Variants in POLN observed in about 807,000 individuals in gnomAD.
POLN encodes the protein DNA polymerase nu, also known as DNA polymerase N.
A neutral mutation model predicts 113.5 loss-of-function variants in POLN; 108 were observed. The observed-to-expected ratio is 0.95, with a 90% CI of 0.81 to 1.12. POLN has a LOEUF of 1.12. Ranked by LOEUF, POLN falls within the 50% of genes most tolerant of loss-of-function variation. POLN has a pLI of 0.00. For synonymous variants in POLN, 386 were observed against 391.5 expected, an observed-to-expected ratio of 0.99 and a Z score of 0.17; for missense variants, 1,097 against 1,077.1, an observed-to-expected ratio of 1.02 and a Z score of -0.26.
chr4:2,156,294 G>A (rs1732421724), intron 16 of POLN: 1 of 355,968 alleles, frequency 2.8e-6, no homozygotes, highest in Non-Finnish European at 5.5e-6. Context: ...GTCTTTTTTA[G>A]TTCAAAATAC....
intron 7 of POLN, among the ~76,000 whole-genome samples, chr4:2,179,971 C>T (rs954446667): frequency 2.0e-5 from 3 of 152,190 alleles, no homozygotes; most frequent in Non-Finnish European, 2.9e-5. Flanking sequence ...ACGACACCCT[C>T]GTCACTGAGT....
At chr4:2,159,340 A>C (rs1415638956) in intron 13 of POLN, 129 bp from the exon 14 acceptor site, 1 of 752,340 alleles carries the variant, frequency 1.3e-6, no homozygotes, top group Non-Finnish European at 2.1e-6. Context: ...AAAGATGCAT[A>C]ATAAACTCAA....
At position 2,168,597 on chromosome 4, in the gene POLN, G is replaced by C. The variant is rs2857788; in HGVS notation, c.1554+2082C>G. Among the ~76,000 whole-genome samples, 3 of 152,132 alleles carry C rather than the reference G, an allele frequency of 2.0e-5. No homozygotes were observed. In the East Asian group the frequency reaches 5.8e-4, roughly 29 times the overall value. ...GTGATGCGTCCTTTCTTGCACTGTT[G>C]GTTGTCTGGAGAGGGAAGGGAGTTG... On this transcript the variant is annotated intron_variant, in intron 13 of 25. Transcript: ENST00000511885.
intron 5 of POLN, among the ~76,000 whole-genome samples, chr4:2,206,332 G>A (rs1268651450): frequency 6.6e-6 from 1 of 152,188 alleles, no homozygotes; most frequent in African/African-American, 2.4e-5. Context: ...CCAGAAATTG[G>A]CTTAGGCAAG....
At chr4:2,219,767 C>T (rs1225956769) in intron 3 of POLN, among the ~76,000 whole-genome samples, 1 of 152,134 alleles carries the variant, frequency 6.6e-6, no homozygotes, top group Non-Finnish European at 1.5e-5. Flanking sequence ...CCTTCTTTTA[C>T]CATCTGCCCT....
intron 19 of POLN, among the ~76,000 whole-genome samples, chr4:2,107,118 T>C (rs563431688): frequency 2.0e-5 from 3 of 152,176 alleles, no homozygotes; most frequent in Non-Finnish European, 2.9e-5. Flanking sequence ...ATTGCACCTT[T>C]TCTTCCAATA....
intron 13 of POLN, among the ~76,000 whole-genome samples, chr4:2,161,553 C>A (rs551335584): frequency 6.6e-6 from 1 of 152,254 alleles, no homozygotes; most frequent in Non-Finnish European, 1.5e-5. Flanking sequence ...CCTCCCACCC[C>A]CTCCGTGGGC....
chr4:2,134,851 G>A (rs540954330), intron 16 of POLN, among the ~76,000 whole-genome samples: 48 of 152,304 alleles, frequency 3.2e-4, no homozygotes, highest in African/African-American at 1.0e-3. Flanking sequence ...TAATACGTGC[G>A]TGTTTACTGA....
At chr4:2,158,152 A>T (rs1732486244) in intron 14 of POLN, among the ~76,000 whole-genome samples, 1 of 152,146 alleles carries the variant, frequency 6.6e-6, no homozygotes, top group Admixed American at 6.5e-5. Context: ...GGGTTTCGCC[A>T]TGTTGGCCAG....
chr4:2,210,839 TA>T (rs1196721458), intron 4 of POLN, among the ~76,000 whole-genome samples: 50 of 148,236 alleles, frequency 3.4e-4, no homozygotes, highest in East Asian at 8.0e-4. Context: ...GAGAATCGCT[TA>T]AACCCAGGAG....
At chr4:2,153,919 C>G (rs531731681) in intron 16 of POLN, among the ~76,000 whole-genome samples, 199 of 151,814 alleles carry the variant, frequency 1.3e-3, no homozygotes, top group Non-Finnish European at 2.4e-3. Context: ...ATTTTAAGGC[C>G]AGGCGCGGTG....
chr4:2,098,040 CTG>C (rs1190203334), intron 19 of POLN, among the ~76,000 whole-genome samples: 1 of 152,180 alleles, frequency 6.6e-6, no homozygotes, highest in African/African-American at 2.4e-5. Flanking sequence ...CCTTTTCCTG[CTG>C]TGTTAAGCTA....
intron 20 of POLN, chr4:2,088,869 G>C (rs1430994886): frequency 6.8e-7 from 1 of 1,466,196 alleles, no homozygotes; most frequent in Admixed American, 2.2e-5. Context: ...CAGAGGTCAA[G>C]GGTGCGTCGC....
At chr4:2,100,402 T>G (rs912258604) in intron 19 of POLN, among the ~76,000 whole-genome samples, 1 of 152,052 alleles carries the variant, frequency 6.6e-6, no homozygotes, top group African/African-American at 2.4e-5. Context: ...ACAATAGCAA[T>G]AGAAACCTCA....
At chr4:2,149,713 G>A (rs138684642) in intron 16 of POLN, among the ~76,000 whole-genome samples, 1 of 152,172 alleles carries the variant, frequency 6.6e-6, no homozygotes, top group Non-Finnish European at 1.5e-5. Flanking sequence ...TTGAGCCCGG[G>A]AGTTGGAGGC....
At chr4:2,221,164 G>T (rs1284677245) in intron 3 of POLN, among the ~76,000 whole-genome samples, 1 of 151,922 alleles carries the variant, frequency 6.6e-6, no homozygotes, top group African/African-American at 2.4e-5. Flanking sequence ...TTGAAACAGG[G>T]TCTCACTCTG....
intron 2 of POLN, chr4:2,240,424 G>A: frequency 1.2e-6 from 2 of 1,613,690 alleles, no homozygotes; most frequent in Non-Finnish European, 1.7e-6. Flanking sequence ...ATCATCAATT[G>A]TGTAACTTCA....
rs1577687321 is a variant in POLN at position 2,093,789 on chromosome 4, C to A, written c.2065+2062G>T. 6.6e-6 allele frequency among the ~76,000 whole-genome samples: 1 copy of A among 152,176 alleles called. No homozygotes were observed. Among genetic ancestry groups the A allele is most frequent in the South Asian group, 2.1e-4 (1 of 4,824 alleles). On this transcript the variant is annotated intron_variant, in intron 20 of 25. Transcript: ENST00000511885. The surrounding 1 kb of genome is among the most constrained non-coding windows in gnomAD (Gnocchi z 4.1). ...CTACTGTCACTCACAGAACCTAGTT[C>A]TTTAAAACAAAGTTTCTTAGTCTAT...
chr4:2,166,437 G>A (rs907903304), intron 13 of POLN, among the ~76,000 whole-genome samples: 9 of 152,206 alleles, frequency 5.9e-5, no homozygotes, highest in African/African-American at 2.2e-4. Context: ...TATCCTGCTG[G>A]ATGGTTCTTA....
Sources: allele counts gnomAD v4.1 joint callset (sites outside exome capture counted in the v4.1 genomes callset), GRCh38; gene constraint gnomAD v4.1.1; non-coding constraint Gnocchi (gnomAD v3.1); transcripts MANE v1.5; gene names NCBI Gene and HGNC (gene_info 2026-07-23, HGNC 2026-07-21).